ARNT2: variants seen among roughly 807,000 people sequenced by gnomAD.
ARNT2 encodes ARNT protein 2.
In ARNT2, 36 loss-of-function variants were observed where a neutral mutation model predicts 91.7. That is an observed-to-expected ratio of 0.39 (90% CI 0.30 to 0.52). The LOEUF (loss-of-function observed/expected upper bound fraction) is 0.52. Ranked by LOEUF, ARNT2 falls within the 20% of genes least tolerant of loss-of-function variation. The probability of loss-of-function intolerance (pLI) is 0.72; values close to 1 mark genes in which losing one functional copy is unlikely to be tolerated. For missense variants in ARNT2, 775 were observed against 939.3 expected, an observed-to-expected ratio of 0.83 and a Z score of 2.29; for synonymous variants, 365 against 347.1, an observed-to-expected ratio of 1.05 and a Z score of -0.57.
chr15:80,508,133 A>G (rs1239395365), intron 5 of ARNT2, 23 bp from the exon 6 acceptor site: 15 of 1,612,438 alleles, frequency 9.3e-6, no homozygotes, highest in African/African-American at 1.3e-5. Flanking sequence ...AGGCTTACGT[A>G]ACTGTCCTTC....
In ARNT2 at chr15:80,480,869, T is replaced by C. The variant is rs549726684; in HGVS notation, c.622+5646T>C. ...CTCTGACCACTACTTAGTTTATTCA[T>C]TTATTCATCCATTCAACAAATACCT... On this transcript the variant is annotated intron_variant, in intron 5 of 18. Transcript: ENST00000303329. 3.3e-5 allele frequency among the ~76,000 whole-genome samples: 5 copies of C among 152,296 alleles called. No homozygotes were observed. In the South Asian group the frequency reaches 1.0e-3, roughly 32 times the overall value.
chr15:80,545,161 C>T (rs1373349082), intron 8 of ARNT2, among the ~76,000 whole-genome samples: 2 of 152,228 alleles, frequency 1.3e-5, no homozygotes, highest in African/African-American at 4.8e-5. Flanking sequence ...ATCTACTGAG[C>T]AGGAGAACAC....
intron 1 of ARNT2, chr15:80,442,977 C>T (rs966635518): frequency 2.0e-6 from 2 of 985,336 alleles, no homozygotes; most frequent in African/African-American, 3.5e-5. Context: ...GCCTTGTCAT[C>T]TCTCACCTGG....
chr15:80,592,566 C>T (rs1393175212), intron 18 of ARNT2, among the ~76,000 whole-genome samples: 1 of 152,234 alleles, frequency 6.6e-6, no homozygotes, highest in Non-Finnish European at 1.5e-5. Context: ...CCATATACCC[C>T]ACCCTCATCC....
intron 1 of ARNT2, among the ~76,000 whole-genome samples, chr15:80,422,241 C>T (rs1025986076): frequency 4.0e-5 from 6 of 151,812 alleles, no homozygotes; most frequent in South Asian, 2.1e-4. Context: ...AAATTCCAAG[C>T]GAGATAAATA....
chr15:80,549,009 A>G (rs1160365226), intron 8 of ARNT2, among the ~76,000 whole-genome samples: 1 of 152,172 alleles, frequency 6.6e-6, no homozygotes, highest in African/African-American at 2.4e-5. Flanking sequence ...TAAAGCCTCT[A>G]TAATTAAAAT....
Position 80,591,108 on chromosome 15 carries a change from G to A in ARNT2, c.1919-460G>A, listed in dbSNP as rs1013148268. On this transcript the variant is annotated intron_variant, in intron 17 of 18. Coordinates refer to ENST00000303329, the MANE Select transcript of ARNT2 (RefSeq NM_014862.4). This position sits in a 1 kb window ranked among gnomAD's most constrained non-coding sequence, Gnocchi z 5.1. ...GGCCAGATGCCTTTCAAGAGCATTC[G>A]GTGGACCGAGAGGGAATCAGGAGCA... Among the ~76,000 whole-genome samples, 4 of 152,194 alleles carry A rather than the reference G, an allele frequency of 2.6e-5. No homozygotes were observed. The highest frequency in any genetic ancestry group is 4.8e-5 in the African/African-American group (2 of 41,448).
chr15:80,472,751 C>A lies in ARNT2; in HGVS notation c.409-2259C>A, dbSNP rs117862603. On this transcript the variant is annotated intron_variant, in intron 4 of 18. Transcript: ENST00000303329. ...GCTCGTGTGGTTGTGGTGAGGAAGG[C>A]AACAAGCATAGACTGTTTAACATGG... Among the ~76,000 whole-genome samples, 334 of 152,242 alleles carry A rather than the reference C, an allele frequency of 2.2e-3. 3 individuals are homozygous for A. In the South Asian group the frequency reaches 0.033, roughly 15 times the overall value.
intron 1 of ARNT2, among the ~76,000 whole-genome samples, chr15:80,424,924 G>A (rs958900208): frequency 6.6e-6 from 1 of 152,196 alleles, no homozygotes; most frequent in Non-Finnish European, 1.5e-5. Context: ...AGAATCTGAC[G>A]TGAATTTTAT....
chr15:80,587,407 G>T (rs963118247), intron 17 of ARNT2, among the ~76,000 whole-genome samples: 1 of 151,490 alleles, frequency 6.6e-6, no homozygotes, highest in Non-Finnish European at 1.5e-5. Flanking sequence ...TTGGTTTGGT[G>T]GGGGGGTGGG....
At chr15:80,448,649 T>G (rs1896340465) in intron 1 of ARNT2, among the ~76,000 whole-genome samples, 2 of 152,208 alleles carry the variant, frequency 1.3e-5, no homozygotes, top group South Asian at 4.1e-4. Context: ...AGCCTGAAAT[T>G]TCCTCAACTC....
chr15:80,416,088 A>T (rs1895781304), intron 1 of ARNT2, among the ~76,000 whole-genome samples: 1 of 152,228 alleles, frequency 6.6e-6, no homozygotes, highest in Non-Finnish European at 1.5e-5. Context: ...TGAATGACTG[A>T]ATGAATTGGT....
At chr15:80,518,187 A>G (rs1271043557) in intron 8 of ARNT2, among the ~76,000 whole-genome samples, 2 of 150,540 alleles carry the variant, frequency 1.3e-5, no homozygotes, top group East Asian at 2.0e-4. Flanking sequence ...TATTGTAGCT[A>G]TAGGTTCCAG....
chr15:80,407,054 G>T lies in ARNT2; in HGVS notation c.31+2508G>T, dbSNP rs140434898. ...CCCAGAGCCTACCTCACATGGGCTT[G>T]TGAGACTTCTTTGAATTCCTTTTTC... On this transcript the variant is annotated intron_variant, in intron 1 of 18. Transcript: ENST00000303329. Among the ~76,000 whole-genome samples the T allele has an allele frequency of 1.9e-3, 286 of 152,310 alleles. 1 individual carries two copies. Among genetic ancestry groups the T allele is most frequent in the African/African-American group, 6.7e-3 (278 of 41,556 alleles).
chr15:80,430,316 C>T (rs117838628), intron 1 of ARNT2, among the ~76,000 whole-genome samples: 2,200 of 152,314 alleles, frequency 0.014, 45 homozygotes, highest in East Asian at 0.023. Flanking sequence ...CACCTGTTCT[C>T]CACACCCGGC....
At chr15:80,505,933 T>TTG (rs1474260388) in intron 5 of ARNT2, among the ~76,000 whole-genome samples, 2,351 of 131,000 alleles carry the variant, frequency 0.018, 122 homozygotes, top group African/African-American at 0.072. Flanking sequence ...TGTTGTTTTT[T>TTG]TTTTTTTTTT....
intron 5 of ARNT2, among the ~76,000 whole-genome samples, chr15:80,476,678 G>A (rs778072340): frequency 4.6e-5 from 7 of 152,122 alleles, no homozygotes; most frequent in Non-Finnish European, 8.8e-5. Context: ...GGTCAGCCTA[G>A]GATGCCATAA....
chr15:80,525,969 T>G (rs1044489540), intron 8 of ARNT2, among the ~76,000 whole-genome samples: 1 of 152,132 alleles, frequency 6.6e-6, no homozygotes, highest in African/African-American at 2.4e-5. Context: ...TCTTTAAAGG[T>G]GGGCAGCAGA....
In ARNT2 at chr15:80,475,125, A is replaced by T; in HGVS notation, c.524A>T (p.Gln175Leu). Residue 175 changes from glutamine to leucine, a missense_variant, in exon 5 of 19, where the codon CAG (glutamine) becomes CTG (leucine). By Grantham distance (113) the Gln-to-Leu change is moderately radical (BLOSUM62 -2). Coordinates refer to ENST00000303329, the MANE Select transcript of ARNT2 (RefSeq NM_014862.4). The stretch of plus-strand genomic sequence containing the variant: ...GTCACCCCTGTTCTGAACCAGCCCC[A>T]GTCAGAGTGGTTTGGGAGCACACTG... ...DSVTPVLNQP[Q>L]SEWFGSTLYE... 1 of 1,614,220 alleles carries T rather than the reference A, an allele frequency of 6.2e-7. No homozygotes were observed. Among genetic ancestry groups the T allele is most frequent in the Non-Finnish European group, 8.5e-7 (1 of 1,180,036 alleles).
Sources: gnomAD v4.1 joint callset for allele counts (sites outside exome capture counted in the v4.1 genomes callset) on GRCh38, gnomAD v4.1.1 for gene constraint, Gnocchi (gnomAD v3.1) non-coding constraint, MANE v1.5 for transcripts, NCBI Gene and HGNC (gene_info 2026-07-23, HGNC 2026-07-21) for gene names.